PALM2AKAP2: variants seen among roughly 807,000 people sequenced by gnomAD.
PALM2AKAP2 encodes PALM2-AKAP2 fusion protein.
PALM2AKAP2 carries 37 observed loss-of-function variants against 71.5 expected under a neutral mutation model. The ratio of observed to expected loss-of-function variants is 0.52; its 90% CI spans 0.40 to 0.68. PALM2AKAP2 has a LOEUF of 0.68. PALM2AKAP2 is among the 30% of genes least tolerant of loss of function. PALM2AKAP2 has a pLI of 0.00. For synonymous variants in PALM2AKAP2, 468 were observed against 478.8 expected, an observed-to-expected ratio of 0.98 and a Z score of 0.29; for missense variants, 1,224 against 1,191.8, an observed-to-expected ratio of 1.03 and a Z score of -0.40.
chr9:109,730,446 T>A (rs1046408479), intron 1 of PALM2AKAP2, among the ~76,000 whole-genome samples: 13 of 152,220 alleles, frequency 8.5e-5, no homozygotes, highest in African/African-American at 3.1e-4. Flanking sequence ...GGCTATTGCA[T>A]AATGTCAACT....
chr9:110,153,810 AG>A (rs1237030774), intron 2 of PALM2AKAP2, among the ~76,000 whole-genome samples: 1 of 152,242 alleles, frequency 6.6e-6, no homozygotes, highest in Admixed American at 6.5e-5. Context: ...AGAAGACAAA[AG>A]CTTCAATAGC....
intron 5 of PALM2AKAP2, among the ~76,000 whole-genome samples, chr9:109,930,534 G>T (rs1280263008): frequency 6.6e-6 from 1 of 152,106 alleles, no homozygotes; most frequent in Non-Finnish European, 1.5e-5. Context: ...CGAAAAATCT[G>T]TTTTCTTAGC....
intron 3 of PALM2AKAP2, among the ~76,000 whole-genome samples, chr9:109,888,711 CAA>C (rs34495775): frequency 6.1e-5 from 6 of 98,816 alleles, no homozygotes; most frequent in African/African-American, 4.1e-5. Context: ...ATTTTGCCTC[CAA>C]AAAAAAAAAA....
chr9:109,810,892 A>C (rs1210656882), intron 1 of PALM2AKAP2, among the ~76,000 whole-genome samples: 2 of 152,204 alleles, frequency 1.3e-5, no homozygotes, highest in Non-Finnish European at 2.9e-5. Flanking sequence ...GAATGAGTGC[A>C]GGTGTGCGGG....
At chr9:109,931,365 G>GAAAA (rs1324286360) in intron 5 of PALM2AKAP2, among the ~76,000 whole-genome samples, 4 of 152,184 alleles carry the variant, frequency 2.6e-5, no homozygotes, top group Admixed American at 2.6e-4. Flanking sequence ...ACACCAGCCT[G>GAAAA]CAGTATTGAA....
intron 6 of PALM2AKAP2, among the ~76,000 whole-genome samples, chr9:109,953,803 C>G (rs1831690276): frequency 7.6e-6 from 1 of 132,068 alleles, no homozygotes; most frequent in African/African-American, 2.9e-5. Context: ...CCACTGCACT[C>G]TAGCCTGGGT....
chr9:110,006,361 T>TCTTTCTTTCTTTCTTTCTTTCTTC (rs1240331486), intron 6 of PALM2AKAP2, among the ~76,000 whole-genome samples: 1 of 148,230 alleles, frequency 6.7e-6, no homozygotes, highest in Non-Finnish European at 1.5e-5. Context: ...TTTCTTTCTT[T>TCTTTCTTTCTTTCTTTCTTTCTTC]CTTTCTTTCT....
At chr9:109,886,822 G>C (rs138123858) in intron 3 of PALM2AKAP2, among the ~76,000 whole-genome samples, 1 of 152,342 alleles carries the variant, frequency 6.6e-6, no homozygotes, top group East Asian at 1.9e-4. Flanking sequence ...CAGAGTGGAG[G>C]AAAGAGGTTG....
At chr9:109,816,272 G>A (rs561488544) in intron 1 of PALM2AKAP2, among the ~76,000 whole-genome samples, 2 of 152,330 alleles carry the variant, frequency 1.3e-5, no homozygotes, top group Admixed American at 6.5e-5. Context: ...GCCAAAGGAC[G>A]AGGAGGCAAG....
At chr9:109,734,147 A>G (rs980964702) in intron 1 of PALM2AKAP2, among the ~76,000 whole-genome samples, 4 of 152,202 alleles carry the variant, frequency 2.6e-5, no homozygotes, top group African/African-American at 9.6e-5. Flanking sequence ...TTTTCATTTC[A>G]TTTAAAGTAT....
At chr9:109,829,266 C>T (rs1220239943) in intron 1 of PALM2AKAP2, among the ~76,000 whole-genome samples, 1 of 152,196 alleles carries the variant, frequency 6.6e-6, no homozygotes, top group East Asian at 1.9e-4. Flanking sequence ...CCCTATAAAA[C>T]CCCATGGCAA....
intron 1 of PALM2AKAP2, among the ~76,000 whole-genome samples, chr9:110,118,775 C>T (rs1227340137): frequency 1.3e-5 from 2 of 152,180 alleles, no homozygotes; most frequent in Non-Finnish European, 2.9e-5. Context: ...CTCCCTTCCC[C>T]ATTCCAGAGA....
At chr9:109,885,749 C>G (rs1829950032) in intron 3 of PALM2AKAP2, among the ~76,000 whole-genome samples, 1 of 152,182 alleles carries the variant, frequency 6.6e-6, no homozygotes, top group Non-Finnish European at 1.5e-5. Context: ...GCTGAAGTCT[C>G]TCCTCCATAG....
At chr9:109,992,983 G>C (rs1390318318) in intron 6 of PALM2AKAP2, among the ~76,000 whole-genome samples, 4 of 150,718 alleles carry the variant, frequency 2.7e-5, no homozygotes, top group Non-Finnish European at 5.9e-5. Flanking sequence ...AGAGAGCAGA[G>C]AGAGTTTATT....
intron 1 of PALM2AKAP2, among the ~76,000 whole-genome samples, chr9:110,100,250 G>A (rs1012608886): frequency 6.6e-6 from 1 of 151,868 alleles, no homozygotes; most frequent in East Asian, 1.9e-4. Flanking sequence ...AAAGGTGAAG[G>A]CTGCCTTGCT....
At chr9:109,703,778 G>A (rs1238415594) in intron 1 of PALM2AKAP2, among the ~76,000 whole-genome samples, 1 of 141,524 alleles carries the variant, frequency 7.1e-6, no homozygotes, top group Non-Finnish European at 1.6e-5. Flanking sequence ...GTTAATGATG[G>A]GCAGGTACTG....
chr9:109,683,231 C>A (rs952256732), intron 1 of PALM2AKAP2, among the ~76,000 whole-genome samples: 2 of 152,186 alleles, frequency 1.3e-5, no homozygotes, highest in Non-Finnish European at 2.9e-5. Context: ...GCCAATTAAA[C>A]CTCTTTTCTT....
chr9:110,007,428 G>C (rs1370613616), intron 6 of PALM2AKAP2, among the ~76,000 whole-genome samples: 7 of 152,176 alleles, frequency 4.6e-5, no homozygotes, highest in Non-Finnish European at 8.8e-5. Flanking sequence ...CAAATCCCAA[G>C]AAATTCTAGA....
intron 1 of PALM2AKAP2, among the ~76,000 whole-genome samples, chr9:109,838,812 G>C (rs10980079): frequency 0.56 from 84,951 of 151,878 alleles, 23,819 homozygotes; most frequent in East Asian, 0.7. Context: ...ATACACCCTT[G>C]CAAGACACAT....
Sources: gnomAD v4.1 joint callset for allele counts (sites outside exome capture counted in the v4.1 genomes callset) on GRCh38, gnomAD v4.1.1 for gene constraint, MANE v1.5 for transcripts, NCBI Gene and HGNC (gene_info 2026-07-23, HGNC 2026-07-21) for gene names.